SH3PXD2B: variants seen among roughly 807,000 people sequenced by gnomAD.
SH3PXD2B encodes SH3 and PX domain-containing protein 2B.
Under a neutral mutation model 73.1 loss-of-function variants are expected in SH3PXD2B, and 37 were observed. The ratio of observed to expected loss-of-function variants is 0.51; its 90% CI spans 0.39 to 0.67. The LOEUF (loss-of-function observed/expected upper bound fraction) is 0.67, where lower values mean the gene tolerates loss of function less well. SH3PXD2B is among the 30% of genes least tolerant of loss of function. The pLI, the probability that SH3PXD2B is intolerant of heterozygous loss-of-function variation, is 0.00. For missense variants in SH3PXD2B, 1,053 were observed against 1,197.8 expected (o/e 0.88, Z 1.78); for synonymous variants, 457 against 480.5 (o/e 0.95, Z 0.64).
downstream of SH3PXD2B, among the ~76,000 whole-genome samples, chr5:172,329,257 T>C (rs570599441): frequency 2.7e-5 from 4 of 150,154 alleles, no homozygotes; most frequent in South Asian, 2.1e-4. Context: ...AGTTTTTTTG[T>C]ATTTTTAGTA....
Position 172,347,968 on chromosome 5 carries a change from A to G in SH3PXD2B, c.1013-636T>C, listed in dbSNP as rs1474632845. 2.0e-5 allele frequency among the ~76,000 whole-genome samples: 3 copies of G among 152,174 alleles called. No individual in the cohort carries two copies. The South Asian group carries it at 6.2e-4, about 32-fold the overall frequency. On this transcript the variant is annotated intron_variant, in intron 10 of 12. Transcript: ENST00000311601. Reference sequence around the variant, plus strand: ...TCTGGGTCTCAGGGCCAGGAGGATGAGGACTTTGCAGTGGTCCAAGGCTCC... The same window carrying G: ...TCTGGGTCTCAGGGCCAGGAGGATGGGGACTTTGCAGTGGTCCAAGGCTCC...
At chr5:172,408,345 G>A (rs1371066389) in intron 2 of SH3PXD2B, among the ~76,000 whole-genome samples, 1 of 151,974 alleles carries the variant, frequency 6.6e-6, no homozygotes, top group Non-Finnish European at 1.5e-5. Flanking sequence ...ATGGCTCACT[G>A]CAGCCTCAAT....
chr5:172,442,358 G>T (rs1759567578), intron 1 of SH3PXD2B, among the ~76,000 whole-genome samples: 1 of 152,034 alleles, frequency 6.6e-6, no homozygotes, highest in African/African-American at 2.4e-5. Context: ...CTATATATAT[G>T]ATTTGGTTTT....
intron 7 of SH3PXD2B, among the ~76,000 whole-genome samples, chr5:172,362,388 T>G (rs1375676052): frequency 6.6e-6 from 1 of 152,142 alleles, no homozygotes; most frequent in Non-Finnish European, 1.5e-5. Context: ...CAATGGAGCC[T>G]TCTCGGAGAC....
chr5:172,358,572 C>T (rs935104529), intron 8 of SH3PXD2B, among the ~76,000 whole-genome samples: 2 of 152,328 alleles, frequency 1.3e-5, no homozygotes, highest in East Asian at 3.9e-4. Context: ...CTACCAAAGG[C>T]CCCTAAGAGA....
intron 1 of SH3PXD2B, 83 bp downstream of exon 1, chr5:172,454,195 C>A: frequency 8.1e-7 from 1 of 1,228,268 alleles, no homozygotes; most frequent in Non-Finnish European, 1.1e-6. Flanking sequence ...GCGCTGGAGG[C>A]AGAAGTTTTC....
At chr5:172,359,369 AGAGT>A (rs1480272718) in intron 7 of SH3PXD2B, among the ~76,000 whole-genome samples, 1 of 138,850 alleles carries the variant, frequency 7.2e-6, no homozygotes, top group Non-Finnish European at 1.5e-5. Context: ...CCCGGGCGAC[AGAGT>A]GAGACCCCCA....
Position 172,339,159 on chromosome 5 carries a change from G to A in SH3PXD2B, c.1946C>T (p.Ser649Phe). 2 of 1,614,208 alleles carry A rather than the reference G, an allele frequency of 1.2e-6. No individual in the cohort carries two copies. Among genetic ancestry groups the A allele is most frequent in the East Asian group, 2.2e-5 (1 of 44,874 alleles). The change falls in exon 13 of 13, where the codon TCC (serine) becomes TTC (phenylalanine). Residue 649 changes from serine to phenylalanine, a missense_variant. Physicochemically the swap from Ser to Phe is radical, Grantham distance 155 (BLOSUM62 -2). Coordinates refer to ENST00000311601, the MANE Select transcript of SH3PXD2B (RefSeq NM_001017995.3). This position sits in a 1 kb window ranked among gnomAD's most constrained non-coding sequence, Gnocchi z 6.1. ...RPQVRPKPAP[S>F]PKTEPPQGED... ...GCCCTGAGGTGGCTCCGTTTTGGGG[G>A]AAGGAGCTGGTTTTGGCCTAACCTG...
intron 6 of SH3PXD2B, among the ~76,000 whole-genome samples, chr5:172,370,472 A>T (rs1257336528): frequency 6.6e-6 from 1 of 152,210 alleles, no homozygotes; most frequent in Non-Finnish European, 1.5e-5. Flanking sequence ...TGCTATAAGC[A>T]AGACAGAGAG....
chr5:172,439,760 T>C (rs768716013), intron 1 of SH3PXD2B, among the ~76,000 whole-genome samples: 8 of 147,840 alleles, frequency 5.4e-5, no homozygotes, highest in Admixed American at 1.3e-4. Flanking sequence ...CTCCCCTAAC[T>C]CATGGAATCT....
chr5:172,378,931 A>G (rs1323926319), intron 5 of SH3PXD2B, among the ~76,000 whole-genome samples: 2 of 151,956 alleles, frequency 1.3e-5, no homozygotes, highest in Non-Finnish European at 2.9e-5. Flanking sequence ...TTAGCCGGGC[A>G]TGGTGGCGGG....
chr5:172,430,287 C>G (rs1186117730), intron 1 of SH3PXD2B, among the ~76,000 whole-genome samples: 2 of 152,240 alleles, frequency 1.3e-5, no homozygotes, highest in Non-Finnish European at 2.9e-5. Context: ...CCACCTCTCT[C>G]CAGCCCACAC....
chr5:172,338,119 T>C lies in SH3PXD2B; in HGVS notation c.*250A>G, dbSNP rs1014529526. ...AGGAGGAGTTCTCTTAAGGCAGGGA[T>C]GCTGACATGGACAGAAAGCAAAGGC... On this transcript the variant is annotated 3_prime_UTR_variant, in exon 13 of 13. Transcript: ENST00000311601. The surrounding 1 kb of genome is among the most constrained non-coding windows in gnomAD (Gnocchi z 5.1). The C allele has an allele frequency of 2.8e-6, 4 of 1,410,220 alleles. No individual in the cohort carries two copies. The highest frequency in any genetic ancestry group is 3.7e-6 in the Non-Finnish European group (4 of 1,085,836). 87.4% of individuals were successfully genotyped at this position (1,410,220 alleles called of 1,614,324 possible).
intron 7 of SH3PXD2B, 130 bp downstream of exon 7, chr5:172,362,605 G>T (rs1035556095): frequency 2.3e-6 from 3 of 1,300,000 alleles, no homozygotes; most frequent in Non-Finnish European, 3.3e-6. Flanking sequence ...CTTTCTAGGA[G>T]ACCCTCAGCA....
At chr5:172,438,317 G>A (rs1205993310) in intron 1 of SH3PXD2B, among the ~76,000 whole-genome samples, 1 of 152,150 alleles carries the variant, frequency 6.6e-6, no homozygotes, top group Admixed American at 6.5e-5. Context: ...CTCAGAACCT[G>A]TTCCTCTAGG....
chr5:172,361,634 A>G (rs543889275), intron 7 of SH3PXD2B, among the ~76,000 whole-genome samples: 72 of 152,308 alleles, frequency 4.7e-4, no homozygotes, highest in African/African-American at 1.6e-3. Context: ...CAGGAACTGG[A>G]AAGTCACATG....
intron 5 of SH3PXD2B, among the ~76,000 whole-genome samples, chr5:172,377,051 G>A (rs1009583750): frequency 1.3e-5 from 2 of 152,164 alleles, no homozygotes; most frequent in African/African-American, 4.8e-5. Context: ...GACCTGAGCC[G>A]TGGTCTGGGC....
chr5:172,358,725 G>T, intron 8 of SH3PXD2B, 48 bp downstream of exon 8: 2 of 1,539,544 alleles, frequency 1.3e-6, no homozygotes, highest in South Asian at 2.3e-5. Flanking sequence ...TATAGGCGAT[G>T]ACTGCACAGG....
chr5:172,334,181 G>C lies in SH3PXD2B; in HGVS notation c.*4188C>G. 1.8e-6 allele frequency: 2 copies of C among 1,107,142 alleles called. No homozygotes were observed. The highest frequency in any genetic ancestry group is 2.2e-6 in the Non-Finnish European group (2 of 905,838). 68.6% of individuals were successfully genotyped at this position (1,107,142 alleles called of 1,614,324 possible). A position where few individuals can be genotyped will look rare whatever the true frequency, so the allele number is the denominator to read the frequency against. On this transcript the variant is annotated 3_prime_UTR_variant, in exon 13 of 13. Transcript: ENST00000311601. ...AACATGAGGAGGAGCTCGATAACTT[G>C]GCAGAATAGCACCAGAAACCAGATG... is the stretch of plus-strand genomic sequence containing the variant.
Sources: allele counts gnomAD v4.1 joint callset (sites outside exome capture counted in the v4.1 genomes callset), GRCh38; gene constraint gnomAD v4.1.1; non-coding constraint Gnocchi (gnomAD v3.1); transcripts MANE v1.5; gene names NCBI Gene and HGNC (gene_info 2026-07-23, HGNC 2026-07-21).